The following COL13A1 variants were observed in gnomAD, a reference collection of about 807,000 sequenced individuals.
COL13A1 encodes collagen type XIII alpha 1 chain.
In COL13A1, 89 loss-of-function variants were observed where a neutral mutation model predicts 130.9. The ratio of observed to expected loss-of-function variants is 0.68; its 90% CI spans 0.57 to 0.81. COL13A1 has a LOEUF of 0.81. Ranked by LOEUF, COL13A1 falls within the 30% of genes least tolerant of loss-of-function variation. The pLI, the probability that COL13A1 is intolerant of heterozygous loss-of-function variation, is 0.00. For missense variants in COL13A1, 879 were observed against 934.6 expected (o/e 0.94, Z 0.78); for synonymous variants, 402 against 341.6 (o/e 1.18, Z -1.95).
intron 35 of COL13A1, among the ~76,000 whole-genome samples, chr10:69,942,826 G>A (rs1043324711): frequency 4.6e-5 from 7 of 152,218 alleles, no homozygotes; most frequent in African/African-American, 1.7e-4. Context: ...CCGTGGCGCT[G>A]TGCCCAACCA....
chr10:69,861,637 C>T (rs1858115672), intron 2 of COL13A1, among the ~76,000 whole-genome samples: 1 of 152,176 alleles, frequency 6.6e-6, no homozygotes, highest in Admixed American at 6.5e-5. Flanking sequence ...TACTTGCTTC[C>T]CCTGAGTCTC....
chr10:69,870,871 C>T (rs12146228), intron 3 of COL13A1, among the ~76,000 whole-genome samples: 22,881 of 151,600 alleles, frequency 0.15, 1,876 homozygotes, highest in Middle Eastern at 0.21. Flanking sequence ...TGGCAAGGGT[C>T]GGGCTGCAGT....
chr10:69,864,472 C>A (rs1342016690), intron 2 of COL13A1, among the ~76,000 whole-genome samples: 1 of 152,174 alleles, frequency 6.6e-6, no homozygotes, highest in Non-Finnish European at 1.5e-5. Flanking sequence ...ATGAGTTATT[C>A]ATCTCTGTAT....
chr10:69,955,322 C>T (rs990867543), intron 39 of COL13A1: 1 of 152,680 alleles, frequency 6.5e-6, no homozygotes, highest in Non-Finnish European at 1.5e-5. Flanking sequence ...GCAGACTGCA[C>T]AGCCACCTTT....
At chr10:69,808,737 G>T (rs1842220732) in intron 1 of COL13A1, among the ~76,000 whole-genome samples, 1 of 152,220 alleles carries the variant, frequency 6.6e-6, no homozygotes, top group South Asian at 2.1e-4. Context: ...TCTAGCCCAG[G>T]ACTTTGCACA....
chr10:69,872,516 A>C (rs1328329398), intron 4 of COL13A1, among the ~76,000 whole-genome samples: 2 of 152,208 alleles, frequency 1.3e-5, no homozygotes, highest in Non-Finnish European at 2.9e-5. Flanking sequence ...TGACCCTACC[A>C]TGAGCAGCTG....
chr10:69,936,177 GAAA>G (rs1565119766), intron 32 of COL13A1, among the ~76,000 whole-genome samples: 9 of 9,748 alleles, frequency 9.2e-4, no homozygotes, highest in Admixed American at 2.7e-3. Context: ...AGGAAGGAAG[GAAA>G]GGAAAGGAAG....
intron 32 of COL13A1, 85 bp from the exon 33 acceptor site, chr10:69,936,671 G>A: frequency 6.5e-7 from 1 of 1,548,838 alleles, no homozygotes; most frequent in East Asian, 2.3e-5. Context: ...CAAAACCCTT[G>A]TTCTTCTGTG....
At chr10:69,891,471 C>T (rs916284660) in intron 10 of COL13A1, among the ~76,000 whole-genome samples, 2 of 152,146 alleles carry the variant, frequency 1.3e-5, no homozygotes, top group Non-Finnish European at 2.9e-5. Flanking sequence ...AGGCAGAAGG[C>T]CCTGGAGGCA....
intron 1 of COL13A1, 147 bp downstream of exon 1, chr10:69,802,864 G>A (rs1302650864): frequency 1.7e-5 from 18 of 1,030,810 alleles, no homozygotes; most frequent in Non-Finnish European, 2.3e-5. Flanking sequence ...CGGGGACACG[G>A]ACAGACGCTG....
chr10:69,940,479 C>G (rs1205609284), intron 34 of COL13A1, among the ~76,000 whole-genome samples: 1 of 152,214 alleles, frequency 6.6e-6, no homozygotes, highest in Non-Finnish European at 1.5e-5. Context: ...TGGGTGCTGT[C>G]ACCCAGGGCT....
At chr10:69,912,523 G>A (rs2063492515) in intron 17 of COL13A1, among the ~76,000 whole-genome samples, 1 of 152,040 alleles carries the variant, frequency 6.6e-6, no homozygotes, top group African/African-American at 2.4e-5. Flanking sequence ...GTCCAGGCTT[G>A]AGGCTTGAGC....
At chr10:69,812,268 G>C (rs75214255) in intron 1 of COL13A1, among the ~76,000 whole-genome samples, 5,914 of 152,218 alleles carry the variant, frequency 0.039, 155 homozygotes, top group Non-Finnish European at 0.059. Flanking sequence ...CGCTGTCAAG[G>C]CTAGGAGCAC....
At chr10:69,917,410 G>A in intron 18 of COL13A1, 77 bp downstream of exon 18, 1 of 1,317,226 alleles carries the variant, frequency 7.6e-7, no homozygotes, top group Non-Finnish European at 1.1e-6. Flanking sequence ...CTCAGCTCTG[G>A]GGACACTCTG....
Position 69,905,798 on chromosome 10 carries a change from G to A in COL13A1, c.897G>A (p.Gly299=). The change falls in exon 17 of 41, where the codon GGG becomes GGA. Residue 299 remains glycine (G), a synonymous_variant. Coordinates refer to ENST00000645393, the MANE Select transcript of COL13A1 (RefSeq NM_001368882.1). The stretch of plus-strand genomic sequence containing the variant: ...CTTTGTTTTCCCAGGGAGACCCAGG[G>A]ATCCAGGGCTACCACGGCCGGAAGG... ...PGPPGPKGDP[G]IQGYHGRKGE... 6.2e-7 allele frequency: 1 copy of A among 1,613,716 alleles called. No individual in the cohort carries two copies. Among genetic ancestry groups the A allele is most frequent in the Non-Finnish European group, 8.5e-7 (1 of 1,179,810 alleles).
At chr10:69,932,635 T>G in intron 31 of COL13A1, 31 bp downstream of exon 31, 1 of 1,455,650 alleles carries the variant, frequency 6.9e-7, no homozygotes, top group Non-Finnish European at 9.6e-7. Flanking sequence ...CAGAGACTCA[T>G]CAAGCGACAG....
chr10:69,946,036 C>T, intron 37 of COL13A1, among the ~76,000 whole-genome samples: 1 of 151,302 alleles, frequency 6.6e-6, no homozygotes, highest in South Asian at 2.1e-4. Context: ...CACCACTGCA[C>T]TCCAGCCTGG....
chr10:69,956,800 C>A (rs920592961), intron 39 of COL13A1: 6 of 580,100 alleles, frequency 1.0e-5, no homozygotes, highest in Non-Finnish European at 1.6e-5. Flanking sequence ...TGCATGTGAC[C>A]TTTAACCAAT....
At chr10:69,837,996 G>A (rs1028261408) in intron 2 of COL13A1, among the ~76,000 whole-genome samples, 1 of 152,200 alleles carries the variant, frequency 6.6e-6, no homozygotes, top group Non-Finnish European at 1.5e-5. Flanking sequence ...CTTCTCCAGT[G>A]CTGTGGCCAT....
Sources: gnomAD v4.1 joint callset for allele counts (sites outside exome capture counted in the v4.1 genomes callset) on GRCh38, gnomAD v4.1.1 for gene constraint, MANE v1.5 for transcripts, NCBI Gene and HGNC (gene_info 2026-07-23, HGNC 2026-07-21) for gene names.